The following PASD1 variants were observed in gnomAD, a reference collection of about 807,000 sequenced individuals.
PASD1 encodes the protein PAS domain containing repressor 1, also known as circadian clock protein PASD1.
A neutral mutation model predicts 58.8 loss-of-function variants in PASD1; 13 were observed. The ratio of observed to expected loss-of-function variants is 0.22; its 90% CI spans 0.14 to 0.35. PASD1 has a LOEUF of 0.35. Ranked by LOEUF, PASD1 falls within the 10% of genes least tolerant of loss-of-function variation. PASD1 has a pLI of 1.00. For missense variants in PASD1, 734 were observed against 568.3 expected, an observed-to-expected ratio of 1.29 and a Z score of -2.96; for synonymous variants, 236 against 216.7, an observed-to-expected ratio of 1.09 and a Z score of -0.78.
chrX:151,605,095 C>T (rs903939759), intron 3 of PASD1, among the ~76,000 whole-genome samples: 1 of 111,731 alleles, frequency 9.0e-6, no homozygotes, highest in Non-Finnish European at 1.9e-5. Flanking sequence ...GTTTCTCCCC[C>T]CTCAAGAATG....
chrX:151,649,028 C>T (rs1447698860), intron 9 of PASD1, among the ~76,000 whole-genome samples: 1 of 111,722 alleles, frequency 9.0e-6, no homozygotes, highest in Non-Finnish European at 1.9e-5. Context: ...GAACCTAGTG[C>T]CTAATTAGCC....
intron 15 of PASD1, among the ~76,000 whole-genome samples, chrX:151,675,175 A>C (rs960404606): frequency 2.7e-5 from 3 of 112,122 alleles, no homozygotes; most frequent in African/African-American, 9.7e-5. Flanking sequence ...GGAAGTGGGA[A>C]AGGTCAGATT....
intron 8 of PASD1, among the ~76,000 whole-genome samples, chrX:151,635,440 A>G (rs752302558): frequency 5.4e-5 from 6 of 112,143 alleles, no homozygotes; most frequent in African/African-American, 1.9e-4. Flanking sequence ...ATGAGTGTAT[A>G]TAAAATAATA....
At chrX:151,574,495 A>G (rs1272411793) in intron 1 of PASD1, among the ~76,000 whole-genome samples, 2 of 112,147 alleles carry the variant, frequency 1.8e-5, no homozygotes, top group South Asian at 7.5e-4. Context: ...AAGGAAGCTG[A>G]GGAAAACATT....
chrX:151,596,492 T>C (rs2013323965), intron 1 of PASD1, among the ~76,000 whole-genome samples: 1 of 112,448 alleles, frequency 8.9e-6, no homozygotes, highest in East Asian at 2.8e-4. Context: ...GCATTGCCTC[T>C]TTTTAAGGAT....
intron 9 of PASD1, among the ~76,000 whole-genome samples, chrX:151,654,659 A>C (rs73239682): frequency 0.2 from 22,734 of 111,077 alleles, 1,877 homozygotes; most frequent in Non-Finnish European, 0.26. Context: ...AGAAGTGACC[A>C]TTAGAGTTAG....
chrX:151,613,801 T>C (rs1295524876), intron 4 of PASD1, among the ~76,000 whole-genome samples: 1 of 111,702 alleles, frequency 9.0e-6, no homozygotes, highest in Non-Finnish European at 1.9e-5. Flanking sequence ...GTCATTTCCA[T>C]TGGTTTCAGA....
At chrX:151,581,792 T>A (rs1161707615) in intron 1 of PASD1, among the ~76,000 whole-genome samples, 1 of 109,340 alleles carries the variant, frequency 9.1e-6, no homozygotes, top group African/African-American at 3.3e-5. Flanking sequence ...TGTCCACTAA[T>A]GAACCCTAGA....
chrX:151,671,552 T>C (rs777081031), intron 12 of PASD1, 21 bp from the exon 13 acceptor site: 1 of 1,202,593 alleles, frequency 8.3e-7, no homozygotes. Flanking sequence ...ATAAGACCTT[T>C]GTGATACTGT....
chrX:151,596,619 G>T lies in PASD1; in HGVS notation c.-27-4908G>T, dbSNP rs1283285931. 3.6e-5 allele frequency among the ~76,000 whole-genome samples: 4 copies of T among 112,446 alleles called. No homozygotes were observed. The East Asian group carries it at 1.1e-3, about 31-fold the overall frequency. On this transcript the variant is annotated intron_variant, in intron 1 of 15. Transcript: ENST00000370357. ...AAATATTTCCTAATTTTGGTTGCTGGTATGTAGGAACAAATTAATTTTTAA... is the reference window on the plus strand; with the variant it reads ...AAATATTTCCTAATTTTGGTTGCTGTTATGTAGGAACAAATTAATTTTTAA...
At chrX:151,664,742 T>C (rs983716647) in intron 11 of PASD1, among the ~76,000 whole-genome samples, 2 of 111,996 alleles carry the variant, frequency 1.8e-5, no homozygotes, top group Non-Finnish European at 3.8e-5. Flanking sequence ...CTTTCTGGCC[T>C]TCCCATACCA....
At position 151,659,665 on chromosome X, in the gene PASD1, C is replaced by A. The variant is rs2124307306; in HGVS notation, c.718-48C>A. On this transcript the variant is annotated intron_variant, in intron 9 of 15. Transcript: ENST00000370357. The stretch of plus-strand genomic sequence containing the variant: ...ATTCTGCCTGTGTTTCCTATTCTTT[C>A]TAACTCCAAAATGCAATGTCCTATC... The A allele has an allele frequency of 4.5e-6, 5 of 1,121,420 alleles. No homozygotes were observed. In the East Asian group the frequency reaches 1.5e-4, roughly 35 times the overall value. The allele number at this position is 1,121,420 out of a possible 1,213,427, so 92.4% of individuals were successfully genotyped here.
intron 8 of PASD1, among the ~76,000 whole-genome samples, chrX:151,637,206 A>G (rs1327818538): frequency 8.9e-6 from 1 of 112,543 alleles, no homozygotes; most frequent in East Asian, 2.8e-4. Context: ...AAACGTGTAC[A>G]AGATTTTGGT....
chrX:151,631,346 G>A (rs1296719714), intron 8 of PASD1, among the ~76,000 whole-genome samples: 5 of 111,500 alleles, frequency 4.5e-5, no homozygotes, highest in Non-Finnish European at 9.4e-5. Context: ...CATTCCACGA[G>A]GACACCAGTT....
chrX:151,596,917 G>A (rs1336074708), intron 1 of PASD1, among the ~76,000 whole-genome samples: 1 of 112,118 alleles, frequency 8.9e-6, no homozygotes, highest in African/African-American at 3.2e-5. Flanking sequence ...TACATCAAAT[G>A]TGTTTTTCTG....
At chrX:151,584,185 A>G (rs1178794906) in intron 1 of PASD1, among the ~76,000 whole-genome samples, 2 of 111,812 alleles carry the variant, frequency 1.8e-5, no homozygotes, top group African/African-American at 6.5e-5. Context: ...GAAGAAATCA[A>G]TCAGGGAAAG....
chrX:151,585,593 G>C (rs2124235475), intron 1 of PASD1, among the ~76,000 whole-genome samples: 1 of 111,009 alleles, frequency 9.0e-6, no homozygotes, highest in African/African-American at 3.3e-5. Flanking sequence ...GTAGGAGCAG[G>C]CAAGTGTGAG....
chrX:151,572,099 G>A lies in PASD1; in HGVS notation c.-28+8260G>A, dbSNP rs1210436523. ...GTTAGAGAATCCAGCCTGACCTGACGACTTTGATTTTCTCATTTGATTTTT... is the reference window on the plus strand; with the variant it reads ...GTTAGAGAATCCAGCCTGACCTGACAACTTTGATTTTCTCATTTGATTTTT... On this transcript the variant is annotated intron_variant, in intron 1 of 15. Coordinates refer to ENST00000370357, the MANE Select transcript of PASD1 (RefSeq NM_173493.3). 4.5e-5 allele frequency among the ~76,000 whole-genome samples: 5 copies of A among 111,388 alleles called. 1 individual carries two copies. The highest frequency in any genetic ancestry group is 8.4e-3 in the Middle Eastern group (2 of 238).
At chrX:151,635,024 T>C (rs1164223108) in intron 8 of PASD1, among the ~76,000 whole-genome samples, 3 of 111,869 alleles carry the variant, frequency 2.7e-5, no homozygotes, top group African/African-American at 9.7e-5. Context: ...GCCTCATTAA[T>C]TGAATCGTTA....
Sources: allele counts gnomAD v4.1 joint callset (sites outside exome capture counted in the v4.1 genomes callset), GRCh38; gene constraint gnomAD v4.1.1; transcripts MANE v1.5; gene names NCBI Gene and HGNC (gene_info 2026-07-23, HGNC 2026-07-21).